Variants in SRFBP1 observed in about 807,000 individuals in gnomAD.
SRFBP1 encodes the protein serum response factor-binding protein 1.
Under a neutral mutation model 45.5 loss-of-function variants are expected in SRFBP1, and 47 were observed. The observed-to-expected ratio is 1.03, with a 90% CI of 0.82 to 1.32. The LOEUF is 1.32. Among genes scored for constraint, SRFBP1 ranks in the 40% most tolerant of loss-of-function variants. SRFBP1 has a pLI of 0.00. For missense variants in SRFBP1, 621 were observed against 484.6 expected (o/e 1.28, Z -2.64); for synonymous variants, 203 against 166.3 (o/e 1.22, Z -1.70).
chr5:121,992,183 T>C (rs186138653), intron 3 of SRFBP1, among the ~76,000 whole-genome samples: 8 of 152,228 alleles, frequency 5.3e-5, no homozygotes, highest in Admixed American at 4.6e-4. Context: ...ATTATTTCTG[T>C]AGACTTTCAG....
At chr5:122,077,131 C>G, downstream of SRFBP1, 1 of 1,481,206 alleles carries the variant, frequency 6.8e-7, no homozygotes, top group Non-Finnish European at 8.9e-7. The surrounding 1 kb of genome is among the most constrained non-coding windows in gnomAD (Gnocchi z 4.9). Context: ...CGGAGGACAG[C>G]AAGAGAACTG....
At position 121,987,789 on chromosome 5, in the gene SRFBP1, G is replaced by T. The variant is rs189587940; in HGVS notation, c.199-6810G>T. On this transcript the variant is annotated intron_variant, in intron 3 of 7. Transcript: ENST00000339397. ...TCTTGAAATTAAAAATGTCAACATGGTTATTGCCTCCAAGTTGCTTTTTGT... is the reference window on the plus strand; with the variant it reads ...TCTTGAAATTAAAAATGTCAACATGTTTATTGCCTCCAAGTTGCTTTTTGT... Among the ~76,000 whole-genome samples, 316 of 152,234 alleles carry T rather than the reference G, an allele frequency of 2.1e-3. 1 individual carries two copies. The highest frequency in any genetic ancestry group is 2.1e-3 in the Non-Finnish European group (140 of 68,020).
chr5:122,032,450 T>C, downstream of SRFBP1, among the ~76,000 whole-genome samples: 1 of 152,106 alleles, frequency 6.6e-6, no homozygotes, highest in East Asian at 1.9e-4. Context: ...CTTCCTGTGT[T>C]CCTGTTTGCA....
chr5:121,988,531 T>A (rs2112668032), intron 3 of SRFBP1, among the ~76,000 whole-genome samples: 1 of 152,308 alleles, frequency 6.6e-6, no homozygotes, highest in African/African-American at 2.4e-5. Context: ...CACATTCCCA[T>A]CATAAGGTAA....
chr5:121,980,804 T>C (rs529881175), intron 3 of SRFBP1, among the ~76,000 whole-genome samples: 13 of 152,266 alleles, frequency 8.5e-5, no homozygotes, highest in African/African-American at 3.1e-4. Flanking sequence ...CTTTTGTCTT[T>C]CAGCAAGATG....
intron 2 of SRFBP1, among the ~76,000 whole-genome samples, chr5:122,046,596 G>A (rs1561407545): frequency 6.6e-6 from 1 of 152,164 alleles, no homozygotes; most frequent in Admixed American, 6.5e-5. Flanking sequence ...GGTATTTCTA[G>A]TTCTAGATCC....
At chr5:122,067,517 C>T (rs987534532) in intron 2 of SRFBP1, among the ~76,000 whole-genome samples, 2 of 152,074 alleles carry the variant, frequency 1.3e-5, no homozygotes, top group Admixed American at 1.3e-4. Flanking sequence ...CATGATATGT[C>T]TTCAGAGTCA....
intron 4 of SRFBP1, among the ~76,000 whole-genome samples, chr5:122,017,033 A>C (rs985158278): frequency 2.5e-4 from 38 of 152,168 alleles, no homozygotes; most frequent in African/African-American, 8.4e-4. Flanking sequence ...GTTCGACACC[A>C]GCCTGGCCAA....
At chr5:122,059,212 A>G (rs150878975) in intron 2 of SRFBP1, among the ~76,000 whole-genome samples, 221 of 152,264 alleles carry the variant, frequency 1.5e-3, no homozygotes, top group African/African-American at 5.1e-3. Flanking sequence ...GCCTTCTCAA[A>G]CTCTGAAAGA....
At chr5:122,019,987 CTCTTAAA>C (rs1370940671) in intron 5 of SRFBP1, 94 bp from the exon 6 acceptor site, 1 of 725,612 alleles carries the variant, frequency 1.4e-6, no homozygotes, top group Admixed American at 3.6e-5. Flanking sequence ...TCCAACTGCC[CTCTTAAA>C]TCTTTTCAAA....
rs532123217 is a variant in SRFBP1, at chr5:122,026,988, G to C, written c.1152G>C (p.Lys384Asn). 5.0e-5 allele frequency: 80 copies of C among 1,612,790 alleles called. No individual in the cohort carries two copies. The highest frequency in any genetic ancestry group is 6.8e-5 in the Non-Finnish European group (80 of 1,179,748). The change falls in exon 8 of 8, where the codon AAG becomes AAC. Residue 384 changes from lysine (K) to asparagine (N), a missense_variant. Coordinates refer to ENST00000339397, the MANE Select transcript of SRFBP1 (RefSeq NM_152546.3). ...AGATCAAGAATCAGTTTAATAAGAA[G>C]CTATCAGGAAGACTTGAAAATACAA... ...EPQIKNQFNKKLSGRLENTKQ... is the reference protein window; with the variant it reads ...EPQIKNQFNKNLSGRLENTKQ...
At chr5:122,066,430 C>T (rs1754299608) in intron 2 of SRFBP1, 1 of 299,242 alleles carries the variant, frequency 3.3e-6, no homozygotes, top group South Asian at 8.6e-5. Context: ...CCATTTTGCA[C>T]TACAATTTCA....
At chr5:121,969,072 A>G (rs907890337) in intron 1 of SRFBP1, among the ~76,000 whole-genome samples, 1 of 152,152 alleles carries the variant, frequency 6.6e-6, no homozygotes, top group Non-Finnish European at 1.5e-5. Flanking sequence ...CTTTGGACCA[A>G]AGTCTCCTGT....
intron 3 of SRFBP1, among the ~76,000 whole-genome samples, chr5:121,983,646 AAC>A (rs1457107373): frequency 3.3e-5 from 5 of 151,760 alleles, no homozygotes; most frequent in South Asian, 2.1e-4. Flanking sequence ...TGTTCACTGA[AAC>A]AATTATTTTT....
At chr5:122,031,048 A>C (rs1417500040), downstream of SRFBP1, among the ~76,000 whole-genome samples, 51 of 152,208 alleles carry the variant, frequency 3.4e-4, 2 homozygotes, top group Admixed American at 3.3e-3. Flanking sequence ...GCTAAGGAGA[A>C]GCTGTTAACT....
At chr5:122,017,391 C>T (rs1428363269) in intron 4 of SRFBP1, among the ~76,000 whole-genome samples, 1 of 152,150 alleles carries the variant, frequency 6.6e-6, no homozygotes, top group Admixed American at 6.5e-5. Flanking sequence ...CCAATCTTTG[C>T]CCTTAGTGTT....
At chr5:122,035,259 A>G (rs1753674394) in intron 2 of SRFBP1, among the ~76,000 whole-genome samples, 4 of 152,134 alleles carry the variant, frequency 2.6e-5, no homozygotes, top group Admixed American at 2.0e-4. Context: ...TACATCCTCA[A>G]CAGTTTTATC....
At chr5:122,025,293 A>G (rs980982591) in intron 7 of SRFBP1, among the ~76,000 whole-genome samples, 2 of 152,258 alleles carry the variant, frequency 1.3e-5, no homozygotes, top group East Asian at 1.9e-4. Context: ...ACATGAACTC[A>G]TCAGTTTTTA....
chr5:122,066,993 A>G (rs571430856), intron 2 of SRFBP1, among the ~76,000 whole-genome samples: 1 of 152,270 alleles, frequency 6.6e-6, no homozygotes, highest in South Asian at 2.1e-4. Flanking sequence ...CAAAGAAACC[A>G]CTTCTGAAAC....
Sources: allele counts gnomAD v4.1 joint callset (sites outside exome capture counted in the v4.1 genomes callset), GRCh38; gene constraint gnomAD v4.1.1; non-coding constraint Gnocchi (gnomAD v3.1); transcripts MANE v1.5; gene names NCBI Gene and HGNC (gene_info 2026-07-23, HGNC 2026-07-21).